Variants in CPSF2 observed in about 807,000 individuals in gnomAD.
CPSF2 encodes cleavage and polyadenylation specific factor 2.
A neutral mutation model predicts 84.2 loss-of-function variants in CPSF2; 51 were observed. The ratio of observed to expected loss-of-function variants is 0.61; its 90% confidence interval spans 0.48 to 0.77. CPSF2 has a LOEUF of 0.77. CPSF2 is among the 30% of genes least tolerant of loss of function. CPSF2 has a pLI of 0.00. For synonymous variants in CPSF2, 286 were observed against 311.9 expected (o/e 0.92, Z 0.87); for missense variants, 641 against 929.4 (o/e 0.69, Z 4.03).
intron 9 of CPSF2, among the ~76,000 whole-genome samples, chr14:92,152,010 CA>C (rs60631190): frequency 0.47 from 65,991 of 140,124 alleles, 16,139 homozygotes; most frequent in Non-Finnish European, 0.57. Flanking sequence ...GACCCTGTCT[CA>C]AAAAAAAAAA....
chr14:92,135,474 G>C lies in CPSF2; in HGVS notation c.523G>C (p.Asp175His). ...AGAAGAAGAAATTGTTTATGCAGTTGACTTCAACCACAAGAGGGAGATGTA... is the reference window on the plus strand; with the variant it reads ...AGAAGAAGAAATTGTTTATGCAGTTCACTTCAACCACAAGAGGGAGATGTA... Reference protein sequence around the residue: ...DGEEEIVYAVDFNHKREIHLN... With the variant: ...DGEEEIVYAVHFNHKREIHLN... The change falls in exon 6 of 16, where the codon GAC becomes CAC. Residue 175 changes from aspartate to histidine, a missense_variant. Asp to His is a moderately conservative substitution (Grantham distance 81, BLOSUM62 -1). Coordinates refer to ENST00000298875, the MANE Select transcript of CPSF2 (RefSeq NM_017437.3). 1.2e-6 allele frequency: 2 copies of C among 1,613,402 alleles called. No homozygotes were observed. The highest frequency in any genetic ancestry group is 1.7e-6 in the Non-Finnish European group (2 of 1,179,672).
At chr14:92,138,949 C>T (rs1410531696) in intron 7 of CPSF2, among the ~76,000 whole-genome samples, 1 of 152,084 alleles carries the variant, frequency 6.6e-6, no homozygotes, top group African/African-American at 2.4e-5. Flanking sequence ...TATTATGTGA[C>T]CATCAGTTTT....
At chr14:92,156,704 A>G in intron 12 of CPSF2, 73 bp downstream of exon 12, 1 of 1,136,178 alleles carries the variant, frequency 8.8e-7, no homozygotes, top group South Asian at 2.0e-5. Context: ...TATAATTTAC[A>G]TTATGTCAAG....
intron 6 of CPSF2, among the ~76,000 whole-genome samples, chr14:92,137,741 G>A (rs1174032317): frequency 2.0e-5 from 3 of 152,092 alleles, no homozygotes; most frequent in Non-Finnish European, 4.4e-5. Context: ...ATAAGTGACC[G>A]AAATATCAGT....
chr14:92,161,691 C>T lies in CPSF2; in HGVS notation c.2296C>T (p.Gln766Ter). The T allele has an allele frequency of 6.3e-7, 1 of 1,594,784 alleles. No homozygotes were observed. The highest frequency in any genetic ancestry group is 8.5e-7 in the Non-Finnish European group (1 of 1,174,012). ...CATTGGATTAGAAGGCTGCCTTTGT[C>T]AAGATTTTTATAGGATAAGAGACCT... is the stretch of plus-strand genomic sequence containing the variant. Reference protein sequence around the residue: ...GRIGLEGCLCQDFYRIRDLLY... With the variant: ...GRIGLEGCLC The change falls in exon 16 of 16, where the codon CAA (glutamine) becomes TAA (stop). Residue 766 changes from glutamine (Q) to a stop codon, truncating the protein, a stop_gained. Coordinates refer to ENST00000298875, the MANE Select transcript of CPSF2 (RefSeq NM_017437.3). LOFTEE classifies it high-confidence loss of function.
chr14:92,133,251 C>T (rs1296542939), intron 3 of CPSF2, among the ~76,000 whole-genome samples: 1 of 151,754 alleles, frequency 6.6e-6, no homozygotes, highest in Non-Finnish European at 1.5e-5. Flanking sequence ...GAAACCCCAT[C>T]TCTACCAAAA....
chr14:92,132,035 G>C (rs2068938653), intron 3 of CPSF2, among the ~76,000 whole-genome samples: 1 of 152,126 alleles, frequency 6.6e-6, no homozygotes, highest in South Asian at 2.1e-4. Flanking sequence ...TAGCAAAACT[G>C]TCTGTGGTTA....
chr14:92,145,128 A>G (rs1425288696), intron 9 of CPSF2, among the ~76,000 whole-genome samples: 1 of 152,266 alleles, frequency 6.6e-6, no homozygotes, highest in East Asian at 1.9e-4. Context: ...AATAACTGCC[A>G]GAGTTGTACA....
At position 92,142,333 on chromosome 14, in the gene CPSF2, G is replaced by A. The variant is rs765662868; in HGVS notation, c.831G>A (p.Val277=). The A allele has an allele frequency of 6.2e-7, 1 of 1,611,806 alleles. No individual in the cohort carries two copies. The highest frequency in any genetic ancestry group is 8.5e-7 in the Non-Finnish European group (1 of 1,178,570). ...TAAATAATGTCAGTTACAATGTGGT[G>A]GAGTTTTCTAAGTCCCAGGTTTGTT... The part of the protein sequence containing the change: ...ALLNNVSYNV[V]EFSKSQVEWM... Residue 277 remains valine, a synonymous_variant, in exon 8 of 16, where the codon GTG becomes GTA. Coordinates refer to ENST00000298875, the MANE Select transcript of CPSF2 (RefSeq NM_017437.3).
intron 9 of CPSF2, among the ~76,000 whole-genome samples, chr14:92,149,898 G>A (rs556503855): frequency 7.2e-5 from 11 of 152,114 alleles, no homozygotes; most frequent in South Asian, 2.1e-4. Context: ...TTTGTGATCC[G>A]TCTGCCTCAG....
intron 1 of CPSF2, among the ~76,000 whole-genome samples, chr14:92,125,580 T>C (rs967022457): frequency 6.6e-6 from 1 of 152,092 alleles, no homozygotes; most frequent in African/African-American, 2.4e-5. Context: ...TACTTGATAA[T>C]GAGTCTTAAA....
intron 3 of CPSF2, among the ~76,000 whole-genome samples, chr14:92,133,389 C>T (rs1254793088): frequency 6.6e-6 from 1 of 152,144 alleles, no homozygotes; most frequent in East Asian, 1.9e-4. Context: ...CATTGCACTC[C>T]AGCCTGGGCA....
Position 92,135,363 on chromosome 14 carries a change from A to G in CPSF2, c.416-4A>G. On this transcript the variant is annotated splice_polypyrimidine_tract_variant and splice_region_variant and intron_variant, in intron 5 of 15. Coordinates refer to ENST00000298875, the MANE Select transcript of CPSF2 (RefSeq NM_017437.3). ...ATCTGAGTATTGTTATCTTGTTGAC[A>G]TAGGTAAAGGACATGGCCTGTCTAT... 1.3e-6 allele frequency: 2 copies of G among 1,596,612 alleles called. No homozygotes were observed. Among genetic ancestry groups the G allele is most frequent in the South Asian group, 1.1e-5 (1 of 87,076 alleles).
At chr14:92,140,027 C>T (rs1422676986) in intron 7 of CPSF2, among the ~76,000 whole-genome samples, 1 of 128,846 alleles carries the variant, frequency 7.8e-6, no homozygotes, top group Non-Finnish European at 1.5e-5. Context: ...AATCCCGGTT[C>T]ACTGCAACCT....
chr14:92,143,172 G>C lies in CPSF2; in HGVS notation c.1018G>C (p.Asp340His). The C allele has an allele frequency of 6.2e-7, 1 of 1,614,056 alleles. No homozygotes were observed. The highest frequency in any genetic ancestry group is 8.5e-7 in the Non-Finnish European group (1 of 1,180,014). Residue 340 changes from aspartate to histidine, a missense_variant, in exon 9 of 16, where the codon GAT (aspartate) becomes CAT (histidine). Coordinates refer to ENST00000298875, the MANE Select transcript of CPSF2 (RefSeq NM_017437.3). ...TGACCTGGAATGCGGATTTTCAAGGGATCTCTTTATTCAGTGGTGTCAGGA... is the reference window on the plus strand; with the variant it reads ...TGACCTGGAATGCGGATTTTCAAGGCATCTCTTTATTCAGTGGTGTCAGGA... ...QPDLECGFSR[D>H]LFIQWCQDPK...
chr14:92,155,360 T>C lies in CPSF2; in HGVS notation c.1442+37T>C, dbSNP rs200630907. On this transcript the variant is annotated intron_variant, in intron 11 of 15. Transcript: ENST00000298875. The stretch of plus-strand genomic sequence containing the variant: ...AAACAAACTTTTCTCTCTTACAAAT[T>C]GGAGGTATTAACTGTGTTATCATTT... 3.3e-5 allele frequency: 50 copies of C among 1,496,642 alleles called. No homozygotes were observed. In the East Asian group the frequency reaches 1.0e-3, roughly 31 times the overall value. The allele number at this position is 1,496,642 out of a possible 1,614,324, so 92.7% of individuals were successfully genotyped here. A position where few individuals can be genotyped will look rare whatever the true frequency, so the allele number is the denominator to read the frequency against.
Position 92,131,025 on chromosome 14 carries a change from A to C in CPSF2, c.41A>C (p.Gln14Pro), listed in dbSNP as rs2068919031. 2 of 1,612,758 alleles carry C rather than the reference A, an allele frequency of 1.2e-6. No individual in the cohort carries two copies. Residue 14 changes from glutamine to proline, a missense_variant, in exon 3 of 16, where the codon CAA becomes CCA. Coordinates refer to ENST00000298875, the MANE Select transcript of CPSF2 (RefSeq NM_017437.3). ...IIKLTTLSGV[Q>P]EESALCYLLQ... ...AAATTAACTACCCTTTCTGGGGTCC[A>C]AGAAGAATCTGCCCTTTGCTATCTT...
At chr14:92,123,588 G>C (rs1194944051) in intron 1 of CPSF2, among the ~76,000 whole-genome samples, 1 of 151,770 alleles carries the variant, frequency 6.6e-6, no homozygotes, top group African/African-American at 2.4e-5. Flanking sequence ...TAGTAGAGAA[G>C]GGGTTTTGTC....
At chr14:92,159,315 C>G (rs762946958) in intron 14 of CPSF2, 33 bp downstream of exon 14, 2 of 1,516,934 alleles carry the variant, frequency 1.3e-6, no homozygotes, top group African/African-American at 2.8e-5. Flanking sequence ...TGATTTCTTC[C>G]TGAATTTGTC....
Sources: allele counts gnomAD v4.1 joint callset (sites outside exome capture counted in the v4.1 genomes callset), GRCh38; gene constraint gnomAD v4.1.1; transcripts MANE v1.5; gene names NCBI Gene and HGNC (gene_info 2026-07-23, HGNC 2026-07-21).